The following PREPL variants were observed in gnomAD, a reference collection of about 807,000 sequenced individuals.
PREPL encodes the protein prolyl endopeptidase like.
PREPL carries 77 observed loss-of-function variants against 70.6 expected under a neutral mutation model. The observed-to-expected ratio is 1.09, with a 90% CI of 0.91 to 1.32. PREPL has a LOEUF of 1.32. PREPL is among the 40% of genes most tolerant of loss of function. The pLI is 0.00. For synonymous variants in PREPL, 315 were observed against 264.8 expected (o/e 1.19, Z -1.84); for missense variants, 1,002 against 778.2 (o/e 1.29, Z -3.42).
chr2:44,327,821 CCA>C (rs1673671697), intron 9 of PREPL, among the ~76,000 whole-genome samples: 1 of 151,872 alleles, frequency 6.6e-6, no homozygotes, highest in Non-Finnish European at 1.5e-5. Context: ...GGAGATTGCG[CCA>C]CTGCACTCTA....
intron 1 of PREPL, among the ~76,000 whole-genome samples, chr2:44,354,876 C>G (rs1676848361): frequency 6.6e-6 from 1 of 152,202 alleles, no homozygotes; most frequent in Non-Finnish European, 1.5e-5. Context: ...CACGCCCGGC[C>G]TTCTTCACCC....
intron 12 of PREPL, among the ~76,000 whole-genome samples, 169 bp downstream of exon 12, chr2:44,322,562 G>A (rs554369249): frequency 6.6e-6 from 1 of 152,280 alleles, no homozygotes; most frequent in African/African-American, 2.4e-5. Context: ...TGTATGTATA[G>A]ACATGTAGTT....
intron 10 of PREPL, 150 bp downstream of exon 10, chr2:44,326,562 T>A (rs1051056920): frequency 9.8e-6 from 7 of 717,036 alleles, no homozygotes; most frequent in Non-Finnish European, 1.4e-5. Context: ...GGTCTCGAGC[T>A]CCTGGTAAGC....
Position 44,319,141 on chromosome 2 carries a change from T to G in PREPL, c.*2215A>C, listed in dbSNP as rs1483606760. On this transcript the variant is annotated 3_prime_UTR_variant, in exon 14 of 14. Coordinates refer to ENST00000409411, the MANE Select transcript of PREPL (RefSeq NM_001171613.2). ...GTACCTGACAAACAGAATAAACATC[T>G]TTTTAAACACCATTAGATAATTATT... 1 of 152,598 alleles carries G rather than the reference T, an allele frequency of 6.6e-6. No individual in the cohort carries two copies. Among genetic ancestry groups the G allele is most frequent in the Admixed American group, 6.5e-5 (1 of 15,270 alleles). 9.5% of individuals were successfully genotyped at this position (152,598 alleles called of 1,614,324 possible).
upstream of PREPL, chr2:44,361,697 G>A (rs372859746): frequency 5.9e-6 from 2 of 341,332 alleles, no homozygotes. Context: ...TTCTGAGCTC[G>A]AGATGAAGCA....
chr2:44,347,363 A>T (rs552989277), intron 1 of PREPL: 1 of 152,334 alleles, frequency 6.6e-6, no homozygotes, highest in South Asian at 2.1e-4. Context: ...TTAATGCCTA[A>T]TGAAACAGAG....
At chr2:44,361,296 G>A (rs1322811106) in intron 1 of PREPL, 84 bp downstream of exon 1, 2 of 152,426 alleles carry the variant, frequency 1.3e-5, no homozygotes, top group Non-Finnish European at 2.9e-5. Context: ...GTCAAAAAGC[G>A]AGGACCTGGG....
intron 2 of PREPL, among the ~76,000 whole-genome samples, chr2:44,345,315 C>T (rs1259432228): frequency 6.6e-6 from 1 of 151,916 alleles, no homozygotes; most frequent in Admixed American, 6.6e-5. Context: ...TCACCTATTG[C>T]GGTTCAATTT....
chr2:44,332,226 G>A (rs556905376), intron 8 of PREPL, among the ~76,000 whole-genome samples: 3 of 152,174 alleles, frequency 2.0e-5, no homozygotes, highest in Admixed American at 6.5e-5. Flanking sequence ...GATTACAGGC[G>A]TGAGCCACCG....
intron 10 of PREPL, among the ~76,000 whole-genome samples, chr2:44,324,824 C>G (rs1673330894): frequency 6.6e-6 from 1 of 152,234 alleles, no homozygotes; most frequent in South Asian, 2.1e-4. Context: ...GAGGTCGAGG[C>G]TGTAGTGAGC....
intron 1 of PREPL, among the ~76,000 whole-genome samples, chr2:44,351,552 C>A (rs1386071304): frequency 6.6e-6 from 1 of 151,252 alleles, no homozygotes; most frequent in Non-Finnish European, 1.5e-5. Flanking sequence ...TCCAGGCAAT[C>A]TTTCCAATTT....
chr2:44,345,359 C>CTTT (rs540009409), intron 2 of PREPL, among the ~76,000 whole-genome samples: 2 of 147,170 alleles, frequency 1.4e-5, no homozygotes, highest in African/African-American at 5.0e-5. Context: ...TTCATTTTTT[C>CTTT]TTTTTTTTTT....
chr2:44,323,168 T>C, intron 11 of PREPL, 94 bp downstream of exon 11: 1 of 1,253,934 alleles, frequency 8.0e-7, no homozygotes, highest in Non-Finnish European at 1.1e-6. Flanking sequence ...GAAACATCTC[T>C]AAAGCTCCTA....
Position 44,323,332 on chromosome 2 carries a change from T to C in PREPL, c.1559A>G (p.Asn520Ser), listed in dbSNP as rs886314755. The change falls in exon 11 of 14, where the codon AAT becomes AGT. Residue 520 changes from asparagine to serine, a missense_variant. Physicochemically the swap from Asn to Ser is conservative, Grantham distance 46 (BLOSUM62 1). Transcript: ENST00000409411. The part of the protein sequence containing the change: ...LTLEELEEWG[N>S]PSSDEKHKNY... ...CTTGTGTTTTTCATCAGATGAAGGATTCCCCCATTCTTCTAATTCTTCTAA... is the reference window on the plus strand; with the variant it reads ...CTTGTGTTTTTCATCAGATGAAGGACTCCCCCATTCTTCTAATTCTTCTAA... 5 of 1,603,632 alleles carry C rather than the reference T, an allele frequency of 3.1e-6. No individual in the cohort carries two copies. The highest frequency in any genetic ancestry group is 4.3e-6 in the Non-Finnish European group (5 of 1,170,772).
At chr2:44,344,748 G>T (rs552510801) in intron 2 of PREPL, among the ~76,000 whole-genome samples, 162 bp from the exon 3 acceptor site, 1 of 152,306 alleles carries the variant, frequency 6.6e-6, no homozygotes, top group South Asian at 2.1e-4. Flanking sequence ...TTTTTACAAT[G>T]TAGTTGATAA....
chr2:44,328,557 G>C (rs957626928), intron 9 of PREPL, among the ~76,000 whole-genome samples: 3 of 151,886 alleles, frequency 2.0e-5, no homozygotes, highest in Non-Finnish European at 2.9e-5. Flanking sequence ...TGGGGAGGTG[G>C]AGAAGAATTT....
chr2:44,348,241 A>G (rs1676033532), intron 1 of PREPL, among the ~76,000 whole-genome samples: 1 of 152,176 alleles, frequency 6.6e-6, no homozygotes, highest in Non-Finnish European at 1.5e-5. Flanking sequence ...CTGGAGGCTT[A>G]TATATTTATT....
At chr2:44,358,990 A>C (rs1677354276) in intron 1 of PREPL, among the ~76,000 whole-genome samples, 1 of 152,040 alleles carries the variant, frequency 6.6e-6, no homozygotes, top group Non-Finnish European at 1.5e-5. Context: ...CATACTAAGG[A>C]AGTCCTGAGG....
chr2:44,329,845 G>T (rs888168824), intron 8 of PREPL, among the ~76,000 whole-genome samples: 1 of 152,092 alleles, frequency 6.6e-6, no homozygotes, highest in Non-Finnish European at 1.5e-5. Flanking sequence ...ACAGACAAAA[G>T]AACTAATTCT....
Sources: gnomAD v4.1 joint callset for allele counts (sites outside exome capture counted in the v4.1 genomes callset) on GRCh38, gnomAD v4.1.1 for gene constraint, MANE v1.5 for transcripts, NCBI Gene and HGNC (gene_info 2026-07-23, HGNC 2026-07-21) for gene names.